The following EYS variants were observed in gnomAD, a reference collection of about 807,000 sequenced individuals.
EYS encodes EGF-like photoreceptor maintenance factor.
In EYS, 250 loss-of-function variants were observed where a neutral mutation model predicts 282.1. The observed-to-expected ratio is 0.89, with a 90% CI of 0.80 to 0.98. The LOEUF is 0.98. EYS is among the 50% of genes least tolerant of loss of function. The probability of loss-of-function intolerance (pLI) is 0.00; values close to 1 mark genes in which losing one functional copy is unlikely to be tolerated. For synonymous variants in EYS, 1,355 were observed against 1,282.9 expected (o/e 1.06, Z -1.20); for missense variants, 4,016 against 3,709.0 (o/e 1.08, Z -2.15).
At chr6:65,697,708 T>C (rs1175286352) in intron 1 of EYS, among the ~76,000 whole-genome samples, 1 of 152,028 alleles carries the variant, frequency 6.6e-6, no homozygotes, top group Admixed American at 6.6e-5. Context: ...AGAAAGAGCC[T>C]GGCTTGTGAA....
intron 35 of EYS, among the ~76,000 whole-genome samples, chr6:63,899,712 G>A (rs1336356934): frequency 1.3e-5 from 2 of 152,126 alleles, no homozygotes; most frequent in African/African-American, 4.8e-5. Context: ...ACTGAGCACA[G>A]TGCACCCTCA....
At chr6:65,298,984 T>C (rs757440670) in intron 11 of EYS, among the ~76,000 whole-genome samples, 1 of 152,054 alleles carries the variant, frequency 6.6e-6, no homozygotes, top group Non-Finnish European at 1.5e-5. Context: ...TACAAATATA[T>C]CAGTGGATTC....
At chr6:65,604,495 C>T (rs1187558561) in intron 2 of EYS, among the ~76,000 whole-genome samples, 2 of 151,838 alleles carry the variant, frequency 1.3e-5, no homozygotes, top group African/African-American at 4.8e-5. Flanking sequence ...TACAAACTAT[C>T]CACATGAGTA....
chr6:63,848,561 T>C (rs912568619), intron 36 of EYS, among the ~76,000 whole-genome samples: 2 of 151,726 alleles, frequency 1.3e-5, no homozygotes, highest in African/African-American at 4.8e-5. Flanking sequence ...GGGGTGCCCC[T>C]CACCCAGGAA....
At chr6:65,663,673 C>CTTTATTTA (rs560542517) in intron 1 of EYS, among the ~76,000 whole-genome samples, 3 of 151,556 alleles carry the variant, frequency 2.0e-5, no homozygotes, top group African/African-American at 7.3e-5. Flanking sequence ...TAGATAAAAT[C>CTTTATTTA]TTTATTTATT....
chr6:65,180,634 A>C (rs948685115), intron 12 of EYS, among the ~76,000 whole-genome samples: 1 of 152,174 alleles, frequency 6.6e-6, no homozygotes, highest in African/African-American at 2.4e-5. Flanking sequence ...ATACTGACCA[A>C]GGTAATTTAT....
intron 12 of EYS, among the ~76,000 whole-genome samples, chr6:65,208,425 A>G (rs551977525): frequency 6.6e-6 from 1 of 151,958 alleles, no homozygotes; most frequent in South Asian, 2.1e-4. Context: ...TACAACTACC[A>G]TTTGATCCAG....
At chr6:65,018,907 T>C (rs1267940434) in intron 13 of EYS, among the ~76,000 whole-genome samples, 1 of 152,196 alleles carries the variant, frequency 6.6e-6, no homozygotes, top group Non-Finnish European at 1.5e-5. Flanking sequence ...TTAGCTTAAA[T>C]AATATTTTAA....
chr6:65,252,128 G>A (rs545602418), intron 12 of EYS, among the ~76,000 whole-genome samples: 56 of 151,992 alleles, frequency 3.7e-4, no homozygotes, highest in African/African-American at 1.3e-3. Context: ...GTGAAGAGCA[G>A]AGTATTAAAC....
chr6:64,089,789 G>C (rs1366677074), intron 31 of EYS, among the ~76,000 whole-genome samples: 2 of 151,960 alleles, frequency 1.3e-5, no homozygotes, highest in Admixed American at 1.3e-4. Flanking sequence ...CCACAGAAGA[G>C]AACTTCTAAA....
At chr6:64,093,107 G>A (rs1772433865) in intron 31 of EYS, among the ~76,000 whole-genome samples, 1 of 152,034 alleles carries the variant, frequency 6.6e-6, no homozygotes, top group South Asian at 2.1e-4. Context: ...TGTTCCATTG[G>A]TCTATATCTC....
chr6:65,637,456 G>A (rs187819580), intron 2 of EYS, among the ~76,000 whole-genome samples: 3 of 152,340 alleles, frequency 2.0e-5, no homozygotes, highest in African/African-American at 7.2e-5. Context: ...GTTCTGCAGA[G>A]CTGGTGGGAG....
chr6:64,973,385 AATC>A (rs1770363225), intron 14 of EYS, among the ~76,000 whole-genome samples: 1 of 152,170 alleles, frequency 6.6e-6, no homozygotes, highest in South Asian at 2.1e-4. Flanking sequence ...GTGTATATAA[AATC>A]ATCATAGTCT....
intron 22 of EYS, among the ~76,000 whole-genome samples, chr6:64,687,136 T>G (rs981180124): frequency 1.3e-5 from 2 of 151,642 alleles, no homozygotes; most frequent in African/African-American, 4.8e-5. Flanking sequence ...TAATGCTAAT[T>G]CTACATAAAC....
intron 5 of EYS, among the ~76,000 whole-genome samples, chr6:65,411,663 C>T (rs1767018854): frequency 6.6e-6 from 1 of 151,984 alleles, no homozygotes; most frequent in Non-Finnish European, 1.5e-5. Context: ...TCACTGACAA[C>T]CATCGATTTT....
At chr6:65,037,094 T>C (rs1052101159) in intron 13 of EYS, among the ~76,000 whole-genome samples, 2 of 151,852 alleles carry the variant, frequency 1.3e-5, no homozygotes, top group South Asian at 4.1e-4. Flanking sequence ...ATAAAGAAAA[T>C]GTGGTACAAA....
intron 14 of EYS, among the ~76,000 whole-genome samples, chr6:64,992,577 C>T (rs1771100635): frequency 6.6e-6 from 1 of 151,832 alleles, no homozygotes; most frequent in Non-Finnish European, 1.5e-5. Flanking sequence ...TTGTCACACT[C>T]CAAAGTATCT....
At chr6:64,202,193 C>T (rs1765476318) in intron 31 of EYS, among the ~76,000 whole-genome samples, 1 of 152,144 alleles carries the variant, frequency 6.6e-6, no homozygotes, top group African/African-American at 2.4e-5. Flanking sequence ...GCTCCATGTG[C>T]TTTCCTTTGT....
intron 2 of EYS, among the ~76,000 whole-genome samples, chr6:65,627,807 G>A (rs1436527835): frequency 1.4e-4 from 21 of 152,190 alleles, no homozygotes; most frequent in Admixed American, 1.3e-3. Context: ...CCTGCAGCCC[G>A]CCATGCCTGA....
Sources: allele counts gnomAD v4.1 joint callset (sites outside exome capture counted in the v4.1 genomes callset), GRCh38; gene constraint gnomAD v4.1.1; transcripts MANE v1.5; gene names NCBI Gene and HGNC (gene_info 2026-07-23, HGNC 2026-07-21).